Variants in KLHL40 observed in about 807,000 individuals in gnomAD.
KLHL40 encodes kelch-like protein 40.
KLHL40 carries 44 observed loss-of-function variants against 49.7 expected under a neutral mutation model. That is an observed-to-expected ratio of 0.89 (90% confidence interval 0.70 to 1.14). KLHL40 has a LOEUF of 1.14. Among genes scored for constraint, KLHL40 ranks in the 50% most tolerant of loss-of-function variants. The probability of loss-of-function intolerance (pLI) is 0.00; values close to 1 mark genes in which losing one functional copy is unlikely to be tolerated. For missense variants in KLHL40, 892 were observed against 850.3 expected, an observed-to-expected ratio of 1.05 and a Z score of -0.61; for synonymous variants, 409 against 365.2, an observed-to-expected ratio of 1.12 and a Z score of -1.37.
At chr3:42,689,683 CA>C (rs1422855187) in intron 4 of KLHL40, among the ~76,000 whole-genome samples, 1 of 151,874 alleles carries the variant, frequency 6.6e-6, no homozygotes. Flanking sequence ...TCAGGAAGGT[CA>C]GGGGTGATAA....
chr3:42,691,924 G>T lies in KLHL40; in HGVS notation c.1797G>T (p.Glu599Asp). The part of the protein sequence containing the change: ...EEKKWEGVLR[E>D]IAYAAGATFL... ...AGAAATGGGAGGGTGTCCTGCGGGA[G>T]ATCGCCTATGCAGCAGGTGCCACCT... is the stretch of plus-strand genomic sequence containing the variant. The change falls in exon 6 of 6, where the codon GAG becomes GAT. Residue 599 changes from glutamate to aspartate, a missense_variant. By Grantham distance (45) the Glu-to-Asp change is conservative. Coordinates refer to ENST00000287777, the MANE Select transcript of KLHL40 (RefSeq NM_152393.4). 6 of 1,613,860 alleles carry T rather than the reference G, an allele frequency of 3.7e-6. No homozygotes were observed. The highest frequency in any genetic ancestry group is 5.1e-6 in the Non-Finnish European group (6 of 1,179,738).
chr3:42,688,078 G>A lies in KLHL40; in HGVS notation c.1153-64G>A. 6.2e-7 allele frequency: 1 copy of A among 1,604,740 alleles called. No homozygotes were observed. ...CTCCGTGATCTGGGGCAGTGGGACT[G>A]AGTGGGGCTGGGCTGAGGCTGGGGG... On this transcript the variant is annotated intron_variant, in intron 1 of 5. Coordinates refer to ENST00000287777, the MANE Select transcript of KLHL40 (RefSeq NM_152393.4). This position sits in a 1 kb window ranked among gnomAD's most constrained non-coding sequence, Gnocchi z 4.2.
At position 42,692,485 on chromosome 3, in the gene KLHL40, G is replaced by T. The variant is rs1268455607; in HGVS notation, c.*492G>T. On this transcript the variant is annotated 3_prime_UTR_variant, in exon 6 of 6. Coordinates refer to ENST00000287777, the MANE Select transcript of KLHL40 (RefSeq NM_152393.4). ...TGAGCAGGTGTGTTGAAGACTTGGG[G>T]CTTCAGTGTTCTGCTGTTGGGCTGC... 3.8e-6 allele frequency: 2 copies of T among 530,096 alleles called. No individual in the cohort carries two copies. Among genetic ancestry groups the T allele is most frequent in the Non-Finnish European group, 6.7e-6 (2 of 298,862 alleles). The allele number at this position is 530,096 out of a possible 1,614,324, so 32.8% of individuals were successfully genotyped here.
Position 42,686,498 on chromosome 3 carries a change from G to A in KLHL40, c.880G>A (p.Glu294Lys). The stretch of plus-strand genomic sequence containing the variant: ...GGGCACAAGCAAAGCCAAAGCAGAG[G>A]AGGATGAGGAGGCCGAACGTATCCT... Reference protein sequence around the residue: ...DKGTSKAKAEEDEEAERILPG... With the variant: ...DKGTSKAKAEKDEEAERILPG... Residue 294 changes from glutamate (E) to lysine (K), a missense_variant, in exon 1 of 6, where the codon GAG becomes AAG. By Grantham distance (56) the Glu-to-Lys change is moderately conservative. Transcript: ENST00000287777. The A allele has an allele frequency of 6.2e-7, 1 of 1,614,194 alleles. No homozygotes were observed.
intron 5 of KLHL40, 64 bp from the exon 6 acceptor site, chr3:42,691,818 C>A: frequency 1.0e-6 from 1 of 1,001,358 alleles, no homozygotes; most frequent in Non-Finnish European, 1.6e-6. Flanking sequence ...CTCTCTGCTG[C>A]GTTCCACTCT....
chr3:42,691,139 G>A (rs150957828), intron 5 of KLHL40, 134 bp downstream of exon 5: 259 of 882,408 alleles, frequency 2.9e-4, no homozygotes, highest in Non-Finnish European at 4.1e-4. Context: ...GAGTCCTGTA[G>A]GGAGGAATAG....
At position 42,685,815 on chromosome 3, in the gene KLHL40, C is replaced by G. The variant is rs200810691; in HGVS notation, c.197C>G (p.Pro66Arg). Residue 66 changes from proline to arginine, a missense_variant, in exon 1 of 6, where the codon CCG becomes CGG. Coordinates refer to ENST00000287777, the MANE Select transcript of KLHL40 (RefSeq NM_152393.4). ...TTCCGGGCGCGCTTTCTAGCCGAGC[C>G]GGAGCGCGCGGGCGAGCTGCACCTG... ...PYFRARFLAE[P>R]ERAGELHLEE... 274 of 1,612,560 alleles carry G rather than the reference C, an allele frequency of 1.7e-4. 1 individual carries two copies. Among genetic ancestry groups the G allele is most frequent in the South Asian group, 1.4e-3 (131 of 91,028 alleles).
rs570045307 is a variant in KLHL40, at chr3:42,688,445, G to T, written c.1313+143G>T. ...GGGCTTGGGTAAGGGCGGGGAGGTT[G>T]GGGGGCAGGGTGGGATCAAAGAACT... On this transcript the variant is annotated intron_variant, in intron 2 of 5. Coordinates refer to ENST00000287777, the MANE Select transcript of KLHL40 (RefSeq NM_152393.4). The surrounding 1 kb of genome is among the most constrained non-coding windows in gnomAD (Gnocchi z 4.2). The T allele has an allele frequency of 6.1e-4, 604 of 995,116 alleles. 6 individuals are homozygous for T. The East Asian group carries it at 0.015, about 25-fold the overall frequency. The allele number at this position is 995,116 out of a possible 1,614,324, so 61.6% of individuals were successfully genotyped here.
In KLHL40 at chr3:42,690,928, C is replaced by G. The variant is rs760557344; in HGVS notation, c.1677C>G (p.Leu559=). 13 of 1,613,792 alleles carry G rather than the reference C, an allele frequency of 8.1e-6. No homozygotes were observed. The African/African-American group carries it at 1.3e-4, about 17-fold the overall frequency. ...SLSLVSLVGT[L]YAIGGFATLE... Reference sequence around the variant, plus strand: ...GCCTGGTCAGCCTGGTGGGTACCCTCTATGCCATTGGTGGCTTTGCCACAC... The same window carrying G: ...GCCTGGTCAGCCTGGTGGGTACCCTGTATGCCATTGGTGGCTTTGCCACAC... Residue 559 remains leucine (L), a synonymous_variant, in exon 5 of 6, where the codon CTC becomes CTG. Transcript: ENST00000287777.
Position 42,692,012 on chromosome 3 carries a change from A to T in KLHL40, c.*19A>T, listed in dbSNP as rs941530340. Reference sequence around the variant, plus strand: ...GATGTGACCAGCTCAGGCAGACTGAACTAAGCACCCCTCCCATCCTGCGAC... The same window carrying T: ...GATGTGACCAGCTCAGGCAGACTGATCTAAGCACCCCTCCCATCCTGCGAC... On this transcript the variant is annotated 3_prime_UTR_variant, in exon 6 of 6. Coordinates refer to ENST00000287777, the MANE Select transcript of KLHL40 (RefSeq NM_152393.4). The T allele has an allele frequency of 4.2e-6, 6 of 1,436,516 alleles. No individual in the cohort carries two copies. The African/African-American group carries it at 7.0e-5, about 17-fold the overall frequency. The allele number at this position is 1,436,516 out of a possible 1,614,324, so 89.0% of individuals were successfully genotyped here.
intron 4 of KLHL40, among the ~76,000 whole-genome samples, chr3:42,689,461 G>A (rs1027705648): frequency 6.6e-6 from 1 of 152,134 alleles, no homozygotes; most frequent in Admixed American, 6.6e-5. Flanking sequence ...ACTAAGGAAA[G>A]GTGGTGCTGA....
chr3:42,686,558 A>G lies in KLHL40; in HGVS notation c.940A>G (p.Met314Val). The G allele has an allele frequency of 6.2e-7, 1 of 1,614,168 alleles. No homozygotes were observed. The highest frequency in any genetic ancestry group is 8.5e-7 in the Non-Finnish European group (1 of 1,180,028). Residue 314 changes from methionine to valine, a missense_variant, in exon 1 of 6, where the codon ATG (methionine) becomes GTG (valine). Met to Val is a conservative substitution (Grantham distance 21). Coordinates refer to ENST00000287777, the MANE Select transcript of KLHL40 (RefSeq NM_152393.4). ...GILNDTLRFG[M>V]FLQDLIFMIS... ...CCTCAATGACACCCTGCGCTTCGGC[A>G]TGTTCCTGCAGGATCTCATCTTCAT...
In KLHL40 at chr3:42,689,037, C is replaced by T. The variant is rs372060961; in HGVS notation, c.1590C>T (p.Tyr530=). 1.7e-4 allele frequency: 273 copies of T among 1,612,282 alleles called. No homozygotes were observed. Among genetic ancestry groups the T allele is most frequent in the South Asian group, 3.7e-4 (34 of 90,974 alleles). The change falls in exon 4 of 6, where the codon TAC becomes TAT. Residue 530 remains tyrosine (Y), a synonymous_variant. Transcript: ENST00000287777. The stretch of plus-strand genomic sequence containing the variant: ...GGCTGACCAGTTCTGCCGAAGTGTA[C>T]AGCATCACAGACAACAAGTATGAAA... ...DTGLTSSAEV[Y]SITDNKWAPF... is the part of the protein sequence containing the mutation.
chr3:42,689,288 C>T (rs1382296187), intron 4 of KLHL40, among the ~76,000 whole-genome samples: 1 of 152,134 alleles, frequency 6.6e-6, no homozygotes, highest in East Asian at 1.9e-4. Flanking sequence ...CCAGGTTCCT[C>T]ATTCAGGGAC....
At position 42,692,207 on chromosome 3, in the gene KLHL40, G is replaced by A. The variant is rs1697383500; in HGVS notation, c.*214G>A. ...AGAAACTAGAGGCTTCTCCAGTGTT[G>A]CCATATCCCCCTAGGTTGTCTTGAT... On this transcript the variant is annotated 3_prime_UTR_variant, in exon 6 of 6. Transcript: ENST00000287777. 2 of 556,384 alleles carry A rather than the reference G, an allele frequency of 3.6e-6. No homozygotes were observed. The highest frequency in any genetic ancestry group is 3.0e-5 in the Admixed American group (1 of 32,954). The allele number at this position is 556,384 out of a possible 1,614,324, so 34.5% of individuals were successfully genotyped here.
In KLHL40 at chr3:42,686,698, G is replaced by T; in HGVS notation, c.1080G>T (p.Gln360His). 6.2e-7 allele frequency: 1 copy of T among 1,613,728 alleles called. No homozygotes were observed. The change falls in exon 1 of 6, where the codon CAG becomes CAT. Residue 360 changes from glutamine to histidine, a missense_variant. Transcript: ENST00000287777. ...TCAGCCTGGTTACCAAGGAGAACCA[G>T]GTCTTCGTGGCTGGAGGCCTCTTCT... ...NHVSLVTKEN[Q>H]VFVAGGLFYN... is the part of the protein sequence containing the mutation.
intron 1 of KLHL40, 79 bp downstream of exon 1, chr3:42,686,849 TTG>T: frequency 7.8e-7 from 1 of 1,283,620 alleles, no homozygotes; most frequent in Non-Finnish European, 1.1e-6. Context: ...CAGAAGGGGC[TTG>T]TGTCTACACA....
Position 42,689,023 on chromosome 3 carries a change from T to C in KLHL40, c.1576T>C (p.Ser526Pro), listed in dbSNP as rs1697321806. ...GGTCACCGACACAGGGCTGACCAGTTCTGCCGAAGTGTACAGCATCACAGA... is the reference window on the plus strand; with the variant it reads ...GGTCACCGACACAGGGCTGACCAGTCCTGCCGAAGTGTACAGCATCACAGA... ...AGVTDTGLTSSAEVYSITDNK... is the reference protein window; with the variant it reads ...AGVTDTGLTSPAEVYSITDNK... The change falls in exon 4 of 6, where the codon TCT becomes CCT. Residue 526 changes from serine (S) to proline (P), a missense_variant. Physicochemically the swap from Ser to Pro is moderately conservative, Grantham distance 74 (BLOSUM62 -1). Coordinates refer to ENST00000287777, the MANE Select transcript of KLHL40 (RefSeq NM_152393.4). 1 of 1,613,966 alleles carries C rather than the reference T, an allele frequency of 6.2e-7. No homozygotes were observed. The highest frequency in any genetic ancestry group is 1.3e-5 in the African/African-American group (1 of 74,934).
In KLHL40 at chr3:42,686,445, A is replaced by G. The variant is rs1282684114; in HGVS notation, c.827A>G (p.Asp276Gly). The G allele has an allele frequency of 6.2e-7, 1 of 1,613,804 alleles. No individual in the cohort carries two copies. Among genetic ancestry groups the G allele is most frequent in the Admixed American group, 1.7e-5 (1 of 60,008 alleles). Residue 276 changes from aspartate to glycine, a missense_variant, in exon 1 of 6, where the codon GAT (aspartate) becomes GGT (glycine). Physicochemically the swap from Asp to Gly is moderately conservative, Grantham distance 94. Coordinates refer to ENST00000287777, the MANE Select transcript of KLHL40 (RefSeq NM_152393.4). Reference protein sequence around the residue: ...TTLRKKKKGKDGAGAKEADKG... With the variant: ...TTLRKKKKGKGGAGAKEADKG... ...CTGCGGAAGAAAAAGAAGGGGAAGG[A>G]TGGAGCCGGGGCCAAGGAGGCTGAT...
Sources: allele counts gnomAD v4.1 joint callset (sites outside exome capture counted in the v4.1 genomes callset), GRCh38; gene constraint gnomAD v4.1.1; non-coding constraint Gnocchi (gnomAD v3.1); transcripts MANE v1.5; gene names NCBI Gene and HGNC (gene_info 2026-07-23, HGNC 2026-07-21).